The following SPAST variants were observed in gnomAD, a reference collection of about 807,000 sequenced individuals.
The protein encoded by SPAST is spastin.
A neutral mutation model predicts 76.6 loss-of-function variants in SPAST; 30 were observed. The observed-to-expected ratio is 0.39, with a 90% CI of 0.29 to 0.53. The LOEUF (loss-of-function observed/expected upper bound fraction) is 0.53, where lower values mean the gene tolerates loss of function less well. Ranked by LOEUF, SPAST falls within the 20% of genes least tolerant of loss-of-function variation. SPAST has a pLI of 0.68. For synonymous variants in SPAST, 305 were observed against 281.0 expected (o/e 1.09, Z -0.86); for missense variants, 717 against 770.5 (o/e 0.93, Z 0.82).
chr2:32,119,301 C>T lies in SPAST; in HGVS notation c.1098+3089C>T, dbSNP rs185982845. Among the ~76,000 whole-genome samples, 179 of 152,242 alleles carry T rather than the reference C, an allele frequency of 1.2e-3. 2 individuals carry two copies. Among genetic ancestry groups the T allele is most frequent in the East Asian group, 4.8e-3 (25 of 5,184 alleles). On this transcript the variant is annotated intron_variant, in intron 7 of 16. Coordinates refer to ENST00000315285, the MANE Select transcript of SPAST (RefSeq NM_014946.4). The stretch of plus-strand genomic sequence containing the variant: ...AATGGGTAAGACTTATCCCATAACA[C>T]GCCTCTATTGTGTAAAAAAATCAGC...
intron 9 of SPAST, chr2:32,129,492 G>T (rs577588479): frequency 2.2e-4 from 33 of 152,246 alleles, no homozygotes; most frequent in African/African-American, 7.7e-4. Context: ...GTTCAGTCTA[G>T]TTTTGGGGTA....
chr2:32,138,232 TCAAA>T (rs1679605570), intron 12 of SPAST, among the ~76,000 whole-genome samples: 1 of 152,232 alleles, frequency 6.6e-6, no homozygotes, highest in Non-Finnish European at 1.5e-5. Flanking sequence ...TGAGAAATCT[TCAAA>T]CTGCTTTCTA....
At chr2:32,065,465 A>G (rs894426860) in intron 1 of SPAST, among the ~76,000 whole-genome samples, 10 of 152,222 alleles carry the variant, frequency 6.6e-5, no homozygotes, top group African/African-American at 2.4e-4. Flanking sequence ...AGATGAAGGT[A>G]TTATTGGTAT....
chr2:32,135,989 A>G lies in SPAST; in HGVS notation c.1246-574A>G, dbSNP rs570753257. Among the ~76,000 whole-genome samples, 5 of 152,052 alleles carry G rather than the reference A, an allele frequency of 3.3e-5. No individual in the cohort carries two copies. The East Asian group carries it at 9.7e-4, about 29-fold the overall frequency. On this transcript the variant is annotated intron_variant, in intron 9 of 16. Coordinates refer to ENST00000315285, the MANE Select transcript of SPAST (RefSeq NM_014946.4). ...GCTACCTGGGATGTTGAGGGATGAGAATCACTTGAACCCAGGAGGCAAAAG... is the reference window on the plus strand; with the variant it reads ...GCTACCTGGGATGTTGAGGGATGAGGATCACTTGAACCCAGGAGGCAAAAG...
intron 1 of SPAST, among the ~76,000 whole-genome samples, chr2:32,078,395 C>G (rs532318847): frequency 1.6e-3 from 248 of 152,172 alleles, no homozygotes; most frequent in African/African-American, 5.4e-3. Context: ...AGGCTGGTCT[C>G]GAACGCCTAG....
chr2:32,113,912 A>C (rs1678720918), intron 4 of SPAST, among the ~76,000 whole-genome samples: 3 of 150,652 alleles, frequency 2.0e-5, no homozygotes, highest in Admixed American at 1.3e-4. Context: ...AAAATGAAGT[A>C]GTTTCTTCTT....
chr2:32,082,858 T>A (rs1429911435), intron 1 of SPAST, among the ~76,000 whole-genome samples: 1 of 152,250 alleles, frequency 6.6e-6, no homozygotes, highest in Non-Finnish European at 1.5e-5. Context: ...GTTTGTTTCT[T>A]TTTAATGCTG....
Position 32,065,392 on chromosome 2 carries a change from A to T in SPAST, c.415+1146A>T, listed in dbSNP as rs77791338. On this transcript the variant is annotated intron_variant, in intron 1 of 16. Transcript: ENST00000315285. ...TGCATGTGTTATCTTTTTTCTTTTTAAAAAAAATAGCAACCATCCCAGACC... is the reference window on the plus strand; with the variant it reads ...TGCATGTGTTATCTTTTTTCTTTTTTAAAAAAATAGCAACCATCCCAGACC... Among the ~76,000 whole-genome samples the T allele has an allele frequency of 4.2e-3, 636 of 151,920 alleles. 1 individual carries two copies. Among genetic ancestry groups the T allele is most frequent in the African/African-American group, 0.013 (554 of 41,466 alleles).
intron 1 of SPAST, 36 bp downstream of exon 1, chr2:32,064,282 G>A (rs1474241945): frequency 1.4e-6 from 2 of 1,443,856 alleles, no homozygotes; most frequent in African/African-American, 2.8e-5. Context: ...CGGCGGCGCC[G>A]GGAAGAAGGC....
At chr2:32,115,639 C>T in intron 5 of SPAST, 63 bp from the exon 6 acceptor site, 2 of 1,279,738 alleles carry the variant, frequency 1.6e-6, no homozygotes, top group South Asian at 1.3e-5. Flanking sequence ...TTAAGGTTAA[C>T]TTATTTATGA....
At chr2:32,079,644 C>T (rs1677123054) in intron 1 of SPAST, among the ~76,000 whole-genome samples, 3 of 145,030 alleles carry the variant, frequency 2.1e-5, no homozygotes, top group African/African-American at 7.7e-5. Flanking sequence ...CTGCAGCCTC[C>T]TCTTCCTGGA....
chr2:32,105,972 C>T (rs1351537801), intron 4 of SPAST, among the ~76,000 whole-genome samples: 8 of 152,182 alleles, frequency 5.3e-5, no homozygotes, highest in Non-Finnish European at 1.0e-4. Flanking sequence ...GGGAGAACTA[C>T]TACTCTCTTT....
intron 1 of SPAST, among the ~76,000 whole-genome samples, chr2:32,081,444 T>G (rs1018489019): frequency 3.9e-5 from 6 of 152,162 alleles, no homozygotes; most frequent in Admixed American, 2.0e-4. Context: ...CCAAAATCTT[T>G]TGCCACAGCT....
intron 3 of SPAST, among the ~76,000 whole-genome samples, chr2:32,094,111 A>T (rs1677832480): frequency 6.6e-6 from 1 of 152,176 alleles, no homozygotes; most frequent in Non-Finnish European, 1.5e-5. Flanking sequence ...ATAATAAACA[A>T]ATATGTTACT....
intron 1 of SPAST, among the ~76,000 whole-genome samples, chr2:32,073,486 T>C (rs1289387004): frequency 6.6e-6 from 1 of 152,200 alleles, no homozygotes; most frequent in Non-Finnish European, 1.5e-5. Flanking sequence ...TTCACTCTTT[T>C]TTTTAAAAAT....
intron 16 of SPAST, among the ~76,000 whole-genome samples, chr2:32,150,982 T>C (rs2148766422): frequency 6.6e-6 from 1 of 151,964 alleles, no homozygotes; most frequent in East Asian, 1.9e-4. Context: ...TTCGCTGTTG[T>C]TGCCCAGGCT....
intron 12 of SPAST, among the ~76,000 whole-genome samples, 176 bp downstream of exon 12, chr2:32,137,364 A>G (rs894420820): frequency 6.6e-6 from 1 of 152,218 alleles, no homozygotes; most frequent in Non-Finnish European, 1.5e-5. Context: ...CAACAGCTTG[A>G]TATCAGGAGA....
intron 8 of SPAST, 169 bp downstream of exon 8, chr2:32,127,191 C>G: frequency 1.6e-6 from 1 of 627,738 alleles, no homozygotes; most frequent in Non-Finnish European, 2.9e-6. Flanking sequence ...GATCTGGGCT[C>G]ACCGCAACCT....
At position 32,154,457 on chromosome 2, in the gene SPAST, C is replaced by T. The variant is rs1460256819; in HGVS notation, c.1812C>T (p.Tyr604=). The change falls in exon 17 of 17, where the codon TAC becomes TAT. Residue 604 remains tyrosine (Y), a synonymous_variant. Coordinates refer to ENST00000315285, the MANE Select transcript of SPAST (RefSeq NM_014946.4). The part of the protein sequence containing the change: ...RSVSPQTLEA[Y]IRWNKDFGDT... ...TCAGCCCTCAAACTTTAGAAGCGTA[C>T]ATACGTTGGAACAAGGACTTTGGAG... The T allele has an allele frequency of 1.9e-6, 3 of 1,612,366 alleles. No individual in the cohort carries two copies. The highest frequency in any genetic ancestry group is 1.3e-5 in the African/African-American group (1 of 74,854).
Sources: allele counts gnomAD v4.1 joint callset (sites outside exome capture counted in the v4.1 genomes callset), GRCh38; gene constraint gnomAD v4.1.1; transcripts MANE v1.5; gene names NCBI Gene and HGNC (gene_info 2026-07-23, HGNC 2026-07-21).